Variants in NXPH1 observed in about 807,000 individuals in gnomAD.
The protein encoded by NXPH1 is neurexophilin-1.
Under a neutral mutation model 23.7 loss-of-function variants are expected in NXPH1, and 5 were observed. The ratio of observed to expected loss-of-function variants is 0.21; its 90% CI spans 0.11 to 0.44. NXPH1 has a LOEUF of 0.44. Among genes scored for constraint, NXPH1 ranks in the 20% least tolerant of loss-of-function variants. The probability of loss-of-function intolerance (pLI) is 0.99; values close to 1 mark genes in which losing one functional copy is unlikely to be tolerated. For missense variants in NXPH1, 324 were observed against 321.6 expected, an observed-to-expected ratio of 1.01 and a Z score of -0.06; for synonymous variants, 144 against 122.2, an observed-to-expected ratio of 1.18 and a Z score of -1.18.
intron 2 of NXPH1, among the ~76,000 whole-genome samples, chr7:8,473,756 G>C (rs577852008): frequency 6.6e-6 from 1 of 150,442 alleles, no homozygotes; most frequent in East Asian, 1.9e-4. Context: ...TTTTTAAAGA[G>C]AAGGCAAATT....
chr7:8,436,297 G>A (rs559243145), intron 2 of NXPH1, among the ~76,000 whole-genome samples: 1 of 152,256 alleles, frequency 6.6e-6, no homozygotes, highest in Admixed American at 6.5e-5. Context: ...AACTATCAGG[G>A]GTACTGCAAG....
chr7:8,692,819 G>A (rs1821242374), intron 2 of NXPH1, among the ~76,000 whole-genome samples: 2 of 152,188 alleles, frequency 1.3e-5, no homozygotes, highest in Admixed American at 1.3e-4. Context: ...AGAAAGGGAT[G>A]CTGTGTGTAA....
At chr7:8,738,745 T>G (rs933420131) in intron 2 of NXPH1, among the ~76,000 whole-genome samples, 2 of 152,176 alleles carry the variant, frequency 1.3e-5, no homozygotes, top group Non-Finnish European at 2.9e-5. Context: ...CCCCAGGTGC[T>G]CTGTCTCAGG....
At chr7:8,572,785 A>G (rs1419263928) in intron 2 of NXPH1, among the ~76,000 whole-genome samples, 1 of 152,088 alleles carries the variant, frequency 6.6e-6, no homozygotes, top group African/African-American at 2.4e-5. Context: ...AAATATATCA[A>G]ACAGAATATG....
At chr7:8,719,591 T>C (rs1779932610) in intron 2 of NXPH1, among the ~76,000 whole-genome samples, 1 of 152,180 alleles carries the variant, frequency 6.6e-6, no homozygotes, top group Admixed American at 6.5e-5. Flanking sequence ...TTGAAAAAGA[T>C]AACAGTGTTC....
rs541262702 is a variant in NXPH1 at position 8,672,541 on chromosome 7, C to T, written c.55-78467C>T. On this transcript the variant is annotated intron_variant, in intron 2 of 2. Transcript: ENST00000405863. ...GAAACCCCTAGGGGAAAAAAAAAAG[C>T]AAACAGCTTGAAAGACAAATCCAAT... 2.8e-3 allele frequency among the ~76,000 whole-genome samples: 418 copies of T among 151,070 alleles called. 1 individual carries two copies. Among genetic ancestry groups the T allele is most frequent in the African/African-American group, 9.4e-3 (388 of 41,272 alleles).
chr7:8,490,531 A>G lies in NXPH1; in HGVS notation c.54+54764A>G, dbSNP rs117013738. 9.9e-3 allele frequency among the ~76,000 whole-genome samples: 1,503 copies of G among 152,004 alleles called. 11 individuals carry two copies. The highest frequency in any genetic ancestry group is 0.016 in the Non-Finnish European group (1,110 of 67,940). Reference sequence around the variant, plus strand: ...TTTCATTCTCATTTAACCTTCTCTGAGTGAAGGAATGTGGAAGTGATGATT... The same window carrying G: ...TTTCATTCTCATTTAACCTTCTCTGGGTGAAGGAATGTGGAAGTGATGATT... On this transcript the variant is annotated intron_variant, in intron 2 of 2. Coordinates refer to ENST00000405863, the MANE Select transcript of NXPH1 (RefSeq NM_152745.3).
chr7:8,601,534 G>C (rs527798396), intron 2 of NXPH1, among the ~76,000 whole-genome samples: 23 of 152,272 alleles, frequency 1.5e-4, no homozygotes, highest in Middle Eastern at 3.4e-3. Flanking sequence ...TTCCTCATGT[G>C]AAGACCAAGG....
chr7:8,599,698 A>G (rs977481937), intron 2 of NXPH1, among the ~76,000 whole-genome samples: 1 of 152,032 alleles, frequency 6.6e-6, no homozygotes, highest in Non-Finnish European at 1.5e-5. Context: ...GGTTTATTGT[A>G]CTAGTACTGC....
At chr7:8,483,178 C>T (rs557810588) in intron 2 of NXPH1, among the ~76,000 whole-genome samples, 2 of 152,140 alleles carry the variant, frequency 1.3e-5, no homozygotes, top group Admixed American at 1.3e-4. Context: ...TGGGAATGTA[C>T]ATTAGATTGG....
At chr7:8,438,151 C>G in intron 2 of NXPH1, among the ~76,000 whole-genome samples, 1 of 152,134 alleles carries the variant, frequency 6.6e-6, no homozygotes, top group East Asian at 1.9e-4. Context: ...GCAGTCATTT[C>G]GGGATGGTTT....
At chr7:8,455,608 G>A (rs1261766376) in intron 2 of NXPH1, among the ~76,000 whole-genome samples, 1 of 141,044 alleles carries the variant, frequency 7.1e-6, no homozygotes, top group Non-Finnish European at 1.6e-5. Flanking sequence ...TGTCCAGAGA[G>A]AATGTTAATT....
At chr7:8,466,526 A>G (rs1816788355) in intron 2 of NXPH1, among the ~76,000 whole-genome samples, 1 of 152,162 alleles carries the variant, frequency 6.6e-6, no homozygotes, top group East Asian at 1.9e-4. Context: ...CATTTGCTGG[A>G]GTTCTGATCT....
intron 2 of NXPH1, among the ~76,000 whole-genome samples, chr7:8,645,499 T>A (rs1820383542): frequency 6.6e-6 from 1 of 152,130 alleles, no homozygotes; most frequent in South Asian, 2.1e-4. Flanking sequence ...TTTATTGGCA[T>A]CTTTTTCTTT....
intron 2 of NXPH1, among the ~76,000 whole-genome samples, chr7:8,638,668 T>A (rs1820257801): frequency 6.6e-6 from 1 of 152,164 alleles, no homozygotes; most frequent in Non-Finnish European, 1.5e-5. Context: ...TCAAAAATTC[T>A]TTTCTTTGTC....
chr7:8,534,800 T>C (rs1018209443), intron 2 of NXPH1, among the ~76,000 whole-genome samples: 2 of 152,092 alleles, frequency 1.3e-5, no homozygotes, highest in Non-Finnish European at 2.9e-5. Context: ...ATGAAGGCAT[T>C]GTTAAGTCAT....
At chr7:8,586,626 A>AAT (rs201601131) in intron 2 of NXPH1, among the ~76,000 whole-genome samples, 5,390 of 147,198 alleles carry the variant, frequency 0.037, 115 homozygotes, top group South Asian at 0.069. Context: ...GAGAATAATG[A>AAT]ATATATATAT....
chr7:8,732,899 T>C (rs1583251867), intron 2 of NXPH1, among the ~76,000 whole-genome samples: 1 of 152,250 alleles, frequency 6.6e-6, no homozygotes, highest in South Asian at 2.1e-4. Flanking sequence ...AAATTTTACT[T>C]TAAGTTCTGG....
At chr7:8,722,142 T>A (rs1191016275) in intron 2 of NXPH1, among the ~76,000 whole-genome samples, 1 of 151,122 alleles carries the variant, frequency 6.6e-6, no homozygotes, top group South Asian at 2.1e-4. Context: ...ATTTGAAGTA[T>A]GCGAAAAAAA....
Sources: gnomAD v4.1 joint callset for allele counts (sites outside exome capture counted in the v4.1 genomes callset) on GRCh38, gnomAD v4.1.1 for gene constraint, MANE v1.5 for transcripts, NCBI Gene and HGNC (gene_info 2026-07-23, HGNC 2026-07-21) for gene names.